TPM3: variants seen among roughly 807,000 people sequenced by gnomAD.
TPM3 encodes tropomyosin alpha-3 chain.
TPM3 carries 16 observed loss-of-function variants against 43.1 expected under a neutral mutation model. That is an observed-to-expected ratio of 0.37 (90% confidence interval 0.25 to 0.56). TPM3 has a LOEUF of 0.56. TPM3 is among the 20% of genes least tolerant of loss of function. The pLI is 0.77. For synonymous variants in TPM3, 101 were observed against 116.9 expected (o/e 0.86, Z 0.88); for missense variants, 176 against 337.2 (o/e 0.52, Z 3.74).
At chr1:154,157,543 G>A, downstream of TPM3, 1 of 765,784 alleles carries the variant, frequency 1.3e-6, no homozygotes, top group African/African-American at 1.7e-5. Context: ...TCCAGTTAAA[G>A]ATCAGCCCTC....
At chr1:154,173,740 AG>A (rs1403462462) in intron 3 of TPM3, among the ~76,000 whole-genome samples, 1 of 152,070 alleles carries the variant, frequency 6.6e-6, no homozygotes, top group Non-Finnish European at 1.5e-5. Context: ...CTGTAATCCC[AG>A]TACTTTGAGA....
At chr1:154,161,131 T>TAAAAAAAAAAAAAAAAAA (rs953940037), downstream of TPM3, among the ~76,000 whole-genome samples, 1 of 85,104 alleles carries the variant, frequency 1.2e-5, no homozygotes. Flanking sequence ...ATGCAAATAT[T>TAAAAAAAAAAAAAAAAAA]AAAAAAAAAA....
In TPM3 at chr1:154,174,380, A is replaced by G. The variant is rs1231340316; in HGVS notation, c.378-1179T>C. 0.01 allele frequency among the ~76,000 whole-genome samples: 894 copies of G among 86,374 alleles called. 80 individuals are homozygous for G. In the East Asian group the frequency reaches 0.16, roughly 15 times the overall value. 56.7% of individuals were successfully genotyped at this position (86,374 alleles called of 152,430 possible). A position where few individuals can be genotyped will look rare whatever the true frequency, so the allele number is the denominator to read the frequency against. On this transcript the variant is annotated intron_variant, in intron 3 of 9. Transcript: ENST00000651641. ...TTTAAATATATGTGTATATATATAT[A>G]TATATATATATATATATATATATAT... is the stretch of plus-strand genomic sequence containing the variant.
chr1:154,168,817 C>G (rs982345931), intron 9 of TPM3, among the ~76,000 whole-genome samples: 1 of 151,736 alleles, frequency 6.6e-6, no homozygotes. Context: ...TGAGCCACTA[C>G]GCCCAGCCTT....
At chr1:154,175,640 T>A (rs1662220606) in intron 3 of TPM3, among the ~76,000 whole-genome samples, 3 of 152,188 alleles carry the variant, frequency 2.0e-5, no homozygotes, top group African/African-American at 7.2e-5. Flanking sequence ...AGACCTTACT[T>A]AGAGAACCTC....
intron 8 of TPM3, chr1:154,169,596 C>G: frequency 1.6e-6 from 1 of 607,920 alleles, no homozygotes; most frequent in Non-Finnish European, 2.9e-6. Flanking sequence ...TCCAAATCGA[C>G]TGCAGCAAGG....
chr1:154,171,507 C>T lies in TPM3; in HGVS notation c.567-19G>A, dbSNP rs1281588020. 1.2e-6 allele frequency: 2 copies of T among 1,612,008 alleles called. No individual in the cohort carries two copies. Among genetic ancestry groups the T allele is most frequent in the South Asian group, 2.2e-5 (2 of 91,018 alleles). On this transcript the variant is annotated intron_variant, in intron 5 of 9. Coordinates refer to ENST00000651641, the MANE Select transcript of TPM3 (RefSeq NM_152263.4). The stretch of plus-strand genomic sequence containing the variant: ...ACACTTACTGTGAATATTTTAAATA[C>T]CACAGGAGAGGAAAAGGGAAAAGGA...
At chr1:154,172,003 C>A in intron 5 of TPM3, 1 of 1,612,566 alleles carries the variant, frequency 6.2e-7, no homozygotes, top group Non-Finnish European at 8.5e-7. Context: ...CATATATAAC[C>A]TTGCTGTGGG....
At chr1:154,171,975 CA>C in intron 5 of TPM3, 1 of 1,604,634 alleles carries the variant, frequency 6.2e-7, no homozygotes, top group Non-Finnish European at 8.5e-7. Flanking sequence ...AAAAACAAAA[CA>C]AAACAAAACC....
intron 6 of TPM3, 27 bp from the exon 7 acceptor site, chr1:154,170,738 C>G (rs1661480878): frequency 1.3e-6 from 2 of 1,539,760 alleles, no homozygotes; most frequent in African/African-American, 1.4e-5. Flanking sequence ...TTAAAAATTT[C>G]AGAGTAGAAA....
chr1:154,174,366 G>GTATA (rs1367134531), intron 3 of TPM3, among the ~76,000 whole-genome samples: 1 of 14,976 alleles, frequency 6.7e-5, no homozygotes, highest in Non-Finnish European at 1.5e-4. Flanking sequence ...TTAAATATAT[G>GTATA]TGTATATATA....
Position 154,167,788 on chromosome 1 carries a change from G to C in TPM3, c.*149C>G. ...ATTTTAATTTGGGGTGGGGGTGGAA[G>C]AAAATACATAAGTTGCTTTTTGCTC... On this transcript the variant is annotated 3_prime_UTR_variant, in exon 10 of 10. Transcript: ENST00000651641. 6.4e-7 allele frequency: 1 copy of C among 1,564,290 alleles called. No homozygotes were observed. Among genetic ancestry groups the C allele is most frequent in the East Asian group, 2.3e-5 (1 of 43,830 alleles).
Position 154,166,655 on chromosome 1 carries a change from GA to G in TPM3, c.*1281del, listed in dbSNP as rs534250152. 1.8e-4 allele frequency: 182 copies of G among 1,028,608 alleles called. 1 individual carries two copies. In the African/African-American group the frequency reaches 2.9e-3, roughly 16 times the overall value. The allele number at this position is 1,028,608 out of a possible 1,614,324, so 63.7% of individuals were successfully genotyped here. A position where few individuals can be genotyped will look rare whatever the true frequency, so the allele number is the denominator to read the frequency against. ...GTATAATTCACAGCTATACTATTAAGAAATCTCTGCTGTGTAAATTGGAATG... is the reference window on the plus strand; with the variant it reads ...GTATAATTCACAGCTATACTATTAAGAATCTCTGCTGTGTAAATTGGAATG... On this transcript the variant is annotated 3_prime_UTR_variant, in exon 10 of 10. Coordinates refer to ENST00000651641, the MANE Select transcript of TPM3 (RefSeq NM_152263.4).
downstream of TPM3, chr1:154,159,087 G>A (rs888828396): frequency 1.3e-6 from 1 of 779,440 alleles, no homozygotes; most frequent in Admixed American, 1.7e-5. Context: ...ACAAGAGAAG[G>A]AGAGGAAAAA....
Position 154,166,968 on chromosome 1 carries a change from C to A in TPM3, c.*969G>T, listed in dbSNP as rs372226560. 2.2e-4 allele frequency among the ~76,000 whole-genome samples: 33 copies of A among 152,354 alleles called. No homozygotes were observed. Among genetic ancestry groups the A allele is most frequent in the African/African-American group, 6.7e-4 (28 of 41,570 alleles). ...AAAGTGCTGGGATTATAGGCGTGAG[C>A]TACCACGCCCGGCCTATAATGGGAA... is the stretch of plus-strand genomic sequence containing the variant. On this transcript the variant is annotated 3_prime_UTR_variant, in exon 10 of 10. Coordinates refer to ENST00000651641, the MANE Select transcript of TPM3 (RefSeq NM_152263.4).
At chr1:154,172,450 G>T (rs1202241267) in intron 5 of TPM3, 1 of 516,694 alleles carries the variant, frequency 1.9e-6, no homozygotes, top group East Asian at 5.5e-5. Flanking sequence ...TAGGGACAGG[G>T]TCTCCCTATG....
At position 154,165,841 on chromosome 1, in the gene TPM3, G is replaced by A. The variant is rs1660895012; in HGVS notation, c.*2096C>T. Among the ~76,000 whole-genome samples, 1 of 151,370 alleles carries A rather than the reference G, an allele frequency of 6.6e-6. No homozygotes were observed. Among genetic ancestry groups the A allele is most frequent in the Non-Finnish European group, 1.5e-5 (1 of 67,870 alleles). ...AAAAAAGTTTTAACATGTTTATGAA[G>A]TACCCATTACATGCCTTCTTCCATG... On this transcript the variant is annotated 3_prime_UTR_variant, in exon 10 of 10. Transcript: ENST00000651641.
chr1:154,172,301 C>A, intron 5 of TPM3: 1 of 723,054 alleles, frequency 1.4e-6, no homozygotes, highest in Non-Finnish European at 2.6e-6. Flanking sequence ...CATATGCATT[C>A]AGCACTGACT....
chr1:154,157,261 G>A (rs975856551), downstream of TPM3: 1 of 410,390 alleles, frequency 2.4e-6, no homozygotes, highest in African/African-American at 2.0e-5. Flanking sequence ...CCTTCCAAAA[G>A]TGAGAAAGGG....
Sources: allele counts gnomAD v4.1 joint callset (sites outside exome capture counted in the v4.1 genomes callset), GRCh38; gene constraint gnomAD v4.1.1; transcripts MANE v1.5; gene names NCBI Gene and HGNC (gene_info 2026-07-23, HGNC 2026-07-21).